Variants in EML5 observed in about 807,000 individuals in gnomAD.
The protein encoded by EML5 is echinoderm microtubule-associated protein-like 5.
Under a neutral mutation model 250.0 loss-of-function variants are expected in EML5, and 120 were observed. The ratio of observed to expected loss-of-function variants is 0.48; its 90% CI spans 0.41 to 0.56. The LOEUF (loss-of-function observed/expected upper bound fraction) is 0.56, where lower values mean the gene tolerates loss of function less well. Ranked by LOEUF, EML5 falls within the 20% of genes least tolerant of loss-of-function variation. The pLI, the probability that EML5 is intolerant of heterozygous loss-of-function variation, is 0.00. For missense variants in EML5, 2,006 were observed against 2,437.6 expected (o/e 0.82, Z 3.73); for synonymous variants, 771 against 806.5 (o/e 0.96, Z 0.75).
chr14:88,774,879 T>C (rs567529728), intron 1 of EML5, among the ~76,000 whole-genome samples: 4 of 152,350 alleles, frequency 2.6e-5, no homozygotes, highest in Admixed American at 2.0e-4. Context: ...TTCAACAGCC[T>C]AATTTAAAAC....
Position 88,792,283 on chromosome 14 carries a change from G to T in EML5, c.197+24C>A. The T allele has an allele frequency of 6.5e-7, 1 of 1,543,844 alleles. No homozygotes were observed. The highest frequency in any genetic ancestry group is 8.7e-7 in the Non-Finnish European group (1 of 1,146,102). ...TCCGGGAGCGGCTTGCAGGGTGACG[G>T]CGGCGGCCCCCGCTCCCCGGTACCT... On this transcript the variant is annotated intron_variant, in intron 1 of 43. Coordinates refer to ENST00000554922, the MANE Select transcript of EML5 (RefSeq NM_183387.3). The surrounding 1 kb of genome is among the most constrained non-coding windows in gnomAD (Gnocchi z 6.9).
chr14:88,643,926 C>T (rs150887956), intron 30 of EML5, among the ~76,000 whole-genome samples: 41 of 152,300 alleles, frequency 2.7e-4, no homozygotes, highest in African/African-American at 9.4e-4. Flanking sequence ...TTGTTCGCTA[C>T]TGCTACCGGG....
At position 88,792,160 on chromosome 14, in the gene EML5, G is replaced by T; in HGVS notation, c.197+147C>A. ...GAAAGGCATTTGTAGGGTGTTAACT[G>T]GTGGACTCGGGACCAGAGAGACAGC... On this transcript the variant is annotated intron_variant, in intron 1 of 43. Coordinates refer to ENST00000554922, the MANE Select transcript of EML5 (RefSeq NM_183387.3). This position sits in a 1 kb window ranked among gnomAD's most constrained non-coding sequence, Gnocchi z 6.9. 1 of 919,076 alleles carries T rather than the reference G, an allele frequency of 1.1e-6. No individual in the cohort carries two copies. Among genetic ancestry groups the T allele is most frequent in the Non-Finnish European group, 1.6e-6 (1 of 630,662 alleles). The allele number at this position is 919,076 out of a possible 1,614,324, so 56.9% of individuals were successfully genotyped here.
intron 42 of EML5, 119 bp downstream of exon 42, chr14:88,616,607 A>C (rs1462621422): frequency 9.7e-7 from 1 of 1,034,242 alleles, no homozygotes; most frequent in Non-Finnish European, 1.4e-6. Context: ...AGATTTAGAA[A>C]GTTTGGGGAA....
intron 14 of EML5, among the ~76,000 whole-genome samples, chr14:88,699,603 C>T (rs1943424521): frequency 6.6e-6 from 1 of 152,008 alleles, no homozygotes; most frequent in Non-Finnish European, 1.5e-5. Flanking sequence ...AGGAAAAAAG[C>T]AGAAGACCAA....
chr14:88,790,908 C>T (rs1452141811), intron 1 of EML5, among the ~76,000 whole-genome samples: 1 of 152,078 alleles, frequency 6.6e-6, no homozygotes, highest in Non-Finnish European at 1.5e-5. Context: ...ACCCTAATCA[C>T]CACGATACAG....
chr14:88,625,359 C>A, intron 35 of EML5: 1 of 462,050 alleles, frequency 2.2e-6, no homozygotes, highest in Non-Finnish European at 3.8e-6. Context: ...TAACCTTAGA[C>A]AATTCTTCCC....
intron 35 of EML5, chr14:88,625,919 A>G (rs1302577943): frequency 6.6e-6 from 1 of 152,242 alleles, no homozygotes; most frequent in Admixed American, 6.5e-5. Flanking sequence ...AGCCTAGCCA[A>G]TGCAGGATAT....
intron 14 of EML5, among the ~76,000 whole-genome samples, chr14:88,699,699 T>C (rs1233096313): frequency 6.6e-6 from 1 of 152,090 alleles, no homozygotes; most frequent in African/African-American, 2.4e-5. Context: ...ATATTGAAGA[T>C]AAAGAATAAA....
At chr14:88,668,645 G>C (rs1234858000) in intron 21 of EML5, among the ~76,000 whole-genome samples, 1 of 152,024 alleles carries the variant, frequency 6.6e-6, no homozygotes, top group Non-Finnish European at 1.5e-5. Flanking sequence ...AGAGGGAAGA[G>C]AAACAGAATA....
At chr14:88,714,257 C>T (rs1383730298) in intron 9 of EML5, among the ~76,000 whole-genome samples, 2 of 152,160 alleles carry the variant, frequency 1.3e-5, no homozygotes, top group Non-Finnish European at 2.9e-5. Context: ...TACAGTGGTA[C>T]TTTACCATAC....
intron 27 of EML5, among the ~76,000 whole-genome samples, chr14:88,656,968 T>A (rs61984740): frequency 0.11 from 16,650 of 152,238 alleles, 1,007 homozygotes; most frequent in African/African-American, 0.14. Context: ...TAACACATAG[T>A]GTTACCATCA....
rs185251771 is a variant in EML5 at position 88,766,560 on chromosome 14, T to A, written c.198-11889A>T. Among the ~76,000 whole-genome samples the A allele has an allele frequency of 2.7e-3, 405 of 152,264 alleles. 1 individual carries two copies. Among genetic ancestry groups the A allele is most frequent in the African/African-American group, 9.0e-3 (374 of 41,556 alleles). On this transcript the variant is annotated intron_variant, in intron 1 of 43. Transcript: ENST00000554922. Reference sequence around the variant, plus strand: ...TCGTCTGCTCTCAAACCCGGTCTCCTGATGTTACCAATGACAATGCATGCC... The same window carrying A: ...TCGTCTGCTCTCAAACCCGGTCTCCAGATGTTACCAATGACAATGCATGCC...
chr14:88,634,982 T>C (rs141425336), intron 32 of EML5, among the ~76,000 whole-genome samples: 1 of 152,288 alleles, frequency 6.6e-6, no homozygotes, highest in Non-Finnish European at 1.5e-5. Flanking sequence ...AGAGACATGA[T>C]GGCAAAGCTT....
In EML5 at chr14:88,620,934, TA is replaced by T. The variant is rs35953031; in HGVS notation, c.5203-9del. The stretch of plus-strand genomic sequence containing the variant: ...CACTTTGTTTAACATCTTCTGCATT[TA>T]AAAAAAAAAAAAAAAAGAGTCATAG... On this transcript the variant is annotated splice_polypyrimidine_tract_variant and intron_variant, in intron 38 of 43. Coordinates refer to ENST00000554922, the MANE Select transcript of EML5 (RefSeq NM_183387.3). The surrounding 1 kb of genome is among the most constrained non-coding windows in gnomAD (Gnocchi z 4.3). 0.15 allele frequency: 189,162 copies of T among 1,287,588 alleles called. 4 individuals are homozygous for T. The highest frequency in any genetic ancestry group is 0.2 in the South Asian group (12,015 of 59,518). The allele number at this position is 1,287,588 out of a possible 1,614,324, so 79.8% of individuals were successfully genotyped here.
rs2092854868 is a variant in EML5 at position 88,687,296 on chromosome 14, A to C, written c.2774T>G (p.Val925Gly). 23 of 1,611,040 alleles carry C rather than the reference A, an allele frequency of 1.4e-5. No individual in the cohort carries two copies. The highest frequency in any genetic ancestry group is 2.0e-5 in the Non-Finnish European group (23 of 1,178,956). Reference protein sequence around the residue: ...GFVTGGKDGIVALWDDSFERC... With the variant: ...GFVTGGKDGIGALWDDSFERC... ...TTCAAAAGAGTCATCCCAAAGAGCT[A>C]CTATACCATCTTTTCCTCCAGTTAC... The change falls in exon 19 of 44, where the codon GTA (valine) becomes GGA (glycine). Residue 925 changes from valine to glycine, a missense_variant. Val to Gly is a moderately radical substitution (Grantham distance 109). Coordinates refer to ENST00000554922, the MANE Select transcript of EML5 (RefSeq NM_183387.3).
At chr14:88,682,802 GA>G (rs2092744438) in intron 20 of EML5, among the ~76,000 whole-genome samples, 1 of 152,200 alleles carries the variant, frequency 6.6e-6, no homozygotes, top group South Asian at 2.1e-4. Flanking sequence ...GTGCCTCTGA[GA>G]ATAATGGGGT....
chr14:88,747,867 G>C (rs2094030274), intron 2 of EML5, among the ~76,000 whole-genome samples: 1 of 152,110 alleles, frequency 6.6e-6, no homozygotes, highest in African/African-American at 2.4e-5. Flanking sequence ...GGAGTATCAA[G>C]GTCTGAACTT....
chr14:88,714,910 C>T (rs768613912), intron 9 of EML5, 29 bp downstream of exon 9: 2 of 1,601,362 alleles, frequency 1.2e-6, no homozygotes, highest in African/African-American at 2.7e-5. Context: ...ATAGGTACTA[C>T]AAATCTATAA....
Sources: gnomAD v4.1 joint callset for allele counts (sites outside exome capture counted in the v4.1 genomes callset) on GRCh38, gnomAD v4.1.1 for gene constraint, Gnocchi (gnomAD v3.1) non-coding constraint, MANE v1.5 for transcripts, NCBI Gene and HGNC (gene_info 2026-07-23, HGNC 2026-07-21) for gene names.